Variants in COG3 observed in about 807,000 individuals in gnomAD.
COG3 encodes the protein conserved oligomeric Golgi complex subunit 3.
COG3 carries 32 observed loss-of-function variants against 114.1 expected under a neutral mutation model. The ratio of observed to expected loss-of-function variants is 0.28; its 90% CI spans 0.21 to 0.38. The LOEUF (loss-of-function observed/expected upper bound fraction) is 0.38. Among genes scored for constraint, COG3 ranks in the 10% least tolerant of loss-of-function variants. The probability of loss-of-function intolerance (pLI) is 1.00; values close to 1 mark genes in which losing one functional copy is unlikely to be tolerated. For missense variants in COG3, 813 were observed against 973.2 expected (o/e 0.84, Z 2.19); for synonymous variants, 352 against 365.7 (o/e 0.96, Z 0.43).
rs756730840 is a variant in COG3, at chr13:45,476,293, G to T, written c.267G>T (p.Leu89Phe). The T allele has an allele frequency of 1.9e-6, 3 of 1,614,006 alleles. No individual in the cohort carries two copies. In the Admixed American group the frequency reaches 5.0e-5, roughly 27 times the overall value. Residue 89 changes from leucine (L) to phenylalanine (F), a missense_variant, in exon 2 of 23, where the codon TTG becomes TTT. Around this residue, in one of 2 missense-constraint regions of COG3, gnomAD observed 424 missense variants for 430.6 expected, o/e 0.98. Coordinates refer to ENST00000349995, the MANE Select transcript of COG3 (RefSeq NM_031431.4). Reference sequence around the variant, plus strand: ...CTGAATCTACAGAAGACATTCTCTTGAAGGGCTTCACTTCCTTAGGAATGG... The same window carrying T: ...CTGAATCTACAGAAGACATTCTCTTTAAGGGCTTCACTTCCTTAGGAATGG... ...VVPESTEDIL[L>F]KGFTSLGMEE...
chr13:45,523,366 C>T (rs1872373222), intron 19 of COG3, among the ~76,000 whole-genome samples: 1 of 151,890 alleles, frequency 6.6e-6, no homozygotes, highest in Non-Finnish European at 1.5e-5. Context: ...AATTCCTGCT[C>T]TCAAGGAGGT....
intron 21 of COG3, among the ~76,000 whole-genome samples, chr13:45,530,458 A>G (rs76947108): frequency 0.022 from 3,376 of 152,286 alleles, 117 homozygotes; most frequent in African/African-American, 0.077. Flanking sequence ...CTCTGGGGGG[A>G]CAAGGCTCGC....
At chr13:45,526,530 G>A (rs1872716138) in intron 20 of COG3, among the ~76,000 whole-genome samples, 1 of 152,164 alleles carries the variant, frequency 6.6e-6, no homozygotes, top group Non-Finnish European at 1.5e-5. Flanking sequence ...TATTTCAAAG[G>A]TTCCTCAGGT....
chr13:45,495,358 A>C (rs1868638934), intron 12 of COG3, among the ~76,000 whole-genome samples: 1 of 151,882 alleles, frequency 6.6e-6, no homozygotes, highest in African/African-American at 2.4e-5. Context: ...AGTGTGTCTT[A>C]ACATTGATGG....
At chr13:45,532,922 A>G (rs1284893650) in intron 22 of COG3, among the ~76,000 whole-genome samples, 3 of 151,450 alleles carry the variant, frequency 2.0e-5, no homozygotes, top group African/African-American at 7.3e-5. Flanking sequence ...TTTTGTGTTC[A>G]TGGGGGAAGA....
chr13:45,478,796 C>T (rs997497361), intron 2 of COG3, among the ~76,000 whole-genome samples: 2 of 152,154 alleles, frequency 1.3e-5, no homozygotes, highest in South Asian at 4.1e-4. Flanking sequence ...GTGAAATGGC[C>T]GATGTTTTAA....
At chr13:45,512,455 C>T (rs1401696138) in intron 16 of COG3, among the ~76,000 whole-genome samples, 3 of 152,158 alleles carry the variant, frequency 2.0e-5, no homozygotes, top group Non-Finnish European at 2.9e-5. Context: ...CCTCAGCCTC[C>T]CAAGAATCTG....
chr13:45,477,507 C>T (rs1024215841), intron 2 of COG3, among the ~76,000 whole-genome samples: 4 of 152,162 alleles, frequency 2.6e-5, no homozygotes, highest in Non-Finnish European at 4.4e-5. Context: ...ACATTTCTAT[C>T]ATCACCCCAA....
chr13:45,513,232 A>G (rs1871096124), intron 16 of COG3, among the ~76,000 whole-genome samples: 2 of 114,380 alleles, frequency 1.7e-5, no homozygotes, highest in African/African-American at 7.9e-5. Flanking sequence ...TATATAATAT[A>G]TACATATAAA....
Position 45,496,138 on chromosome 13 carries a change from C to T in COG3, c.1328-14C>T. The T allele has an allele frequency of 6.3e-7, 1 of 1,596,250 alleles. No homozygotes were observed. The highest frequency in any genetic ancestry group is 8.5e-7 in the Non-Finnish European group (1 of 1,169,838). On this transcript the variant is annotated splice_polypyrimidine_tract_variant and intron_variant, in intron 12 of 22. Coordinates refer to ENST00000349995, the MANE Select transcript of COG3 (RefSeq NM_031431.4). ...CTAAATCTAAAAGAATGGATGATTG[C>T]ACTTTTTTATCAGCTGAGCAACTGG...
intron 19 of COG3, among the ~76,000 whole-genome samples, chr13:45,520,029 A>G (rs1593744419): frequency 6.6e-6 from 1 of 152,360 alleles, no homozygotes; most frequent in Non-Finnish European, 1.5e-5. Context: ...CTATAATCCT[A>G]GCACTTTGGG....
intron 16 of COG3, among the ~76,000 whole-genome samples, chr13:45,512,312 C>T (rs1175390388): frequency 6.6e-6 from 1 of 152,118 alleles, no homozygotes; most frequent in Non-Finnish European, 1.5e-5. Flanking sequence ...GAAGGAGTCA[C>T]CATGACTGTA....
chr13:45,525,136 T>C, intron 20 of COG3, 85 bp downstream of exon 20: 2 of 1,150,234 alleles, frequency 1.7e-6, no homozygotes, highest in South Asian at 1.4e-5. Flanking sequence ...CAGCTTGGAG[T>C]TGGTTTCCTA....
chr13:45,486,164 G>A (rs1330800317), intron 7 of COG3, among the ~76,000 whole-genome samples: 1 of 144,430 alleles, frequency 6.9e-6, no homozygotes, highest in Non-Finnish European at 1.5e-5. Flanking sequence ...AATCAGGCGT[G>A]GCGGTGCGTG....
Position 45,534,993 on chromosome 13 carries a change from G to A in COG3, c.*262G>A. 1 of 1,217,118 alleles carries A rather than the reference G, an allele frequency of 8.2e-7. No homozygotes were observed. Among genetic ancestry groups the A allele is most frequent in the South Asian group, 3.8e-5 (1 of 26,000 alleles). The allele number at this position is 1,217,118 out of a possible 1,614,324, so 75.4% of individuals were successfully genotyped here. A position where few individuals can be genotyped will look rare whatever the true frequency, so the allele number is the denominator to read the frequency against. On this transcript the variant is annotated 3_prime_UTR_variant, in exon 23 of 23. Coordinates refer to ENST00000349995, the MANE Select transcript of COG3 (RefSeq NM_031431.4). ...TTTAAATGGTCACAAGAAATGTGAA[G>A]AGAGAGCTAGGGCAGACATGCAGTG...
chr13:45,509,582 C>G (rs9534168), intron 14 of COG3, 110 bp from the exon 15 acceptor site: 97 of 1,377,454 alleles, frequency 7.0e-5, no homozygotes, highest in Non-Finnish European at 9.2e-5. Context: ...TTGGTGCCCT[C>G]TAGCTACTTA....
chr13:45,518,858 G>C lies in COG3; in HGVS notation c.2019+8G>C. On this transcript the variant is annotated splice_region_variant and intron_variant, in intron 18 of 22. Coordinates refer to ENST00000349995, the MANE Select transcript of COG3 (RefSeq NM_031431.4). The stretch of plus-strand genomic sequence containing the variant: ...ATAGAGTTCTTGTTGGAGGTGAGAA[G>C]GAGTCTGTTTCATTGGTGGTGGGAG... The C allele has an allele frequency of 6.2e-7, 1 of 1,612,952 alleles. No homozygotes were observed. The highest frequency in any genetic ancestry group is 8.5e-7 in the Non-Finnish European group (1 of 1,179,048).
chr13:45,516,240 C>G lies in COG3; in HGVS notation c.1907C>G (p.Ser636Cys). 6.3e-7 allele frequency: 1 copy of G among 1,589,634 alleles called. No homozygotes were observed. The highest frequency in any genetic ancestry group is 8.6e-7 in the Non-Finnish European group (1 of 1,164,328). Residue 636 changes from serine (S) to cysteine (C), a missense_variant, in exon 17 of 23, where the codon TCC becomes TGC. Around this residue, in one of 2 missense-constraint regions of COG3, gnomAD observed 389 missense variants for 542.6 expected, o/e 0.72. Coordinates refer to ENST00000349995, the MANE Select transcript of COG3 (RefSeq NM_031431.4). ...FHTEFTIKEI[S>C]LDLKKTRDAA... The stretch of plus-strand genomic sequence containing the variant: ...ACTGAATTCACCATTAAGGAAATTT[C>G]CCTGGACCTCAAGAAAACTAGAGGT...
At chr13:45,514,297 A>G (rs1302760460) in intron 16 of COG3, among the ~76,000 whole-genome samples, 1 of 151,148 alleles carries the variant, frequency 6.6e-6, no homozygotes, top group Non-Finnish European at 1.5e-5. Context: ...AGTAGCTGGG[A>G]TTACAGGTGT....
Sources: allele counts gnomAD v4.1 joint callset (sites outside exome capture counted in the v4.1 genomes callset), GRCh38; gene constraint gnomAD v4.1.1; regional missense constraint gnomAD v4.1.1; transcripts MANE v1.5; gene names NCBI Gene and HGNC (gene_info 2026-07-23, HGNC 2026-07-21).